Variants in SNRNP200 observed in about 807,000 individuals in gnomAD.
SNRNP200 encodes the protein U5 small nuclear ribonucleoprotein 200 kDa helicase.
SNRNP200 carries 66 observed loss-of-function variants against 255.2 expected under a neutral mutation model. That is an observed-to-expected ratio of 0.26 (90% CI 0.21 to 0.32). The LOEUF (loss-of-function observed/expected upper bound fraction) is 0.32. Among genes scored for constraint, SNRNP200 ranks in the 10% least tolerant of loss-of-function variants. The pLI, the probability that SNRNP200 is intolerant of heterozygous loss-of-function variation, is 1.00. For synonymous variants in SNRNP200, 939 were observed against 1,027.8 expected (o/e 0.91, Z 1.65); for missense variants, 1,585 against 2,749.8 (o/e 0.58, Z 9.47).
chr2:96,276,408 C>A, intron 43 of SNRNP200: 1 of 203,306 alleles, frequency 4.9e-6, no homozygotes. Flanking sequence ...TTAACAATGA[C>A]CAGTCATCTA....
Position 96,304,059 on chromosome 2 carries a change from A to G in SNRNP200, c.209+646T>C, listed in dbSNP as rs1351625661. ...TATCAACAAAGTATAACAAAACTGGAAAAGAAGATATAGCACAAAGTGGAG... is the reference window on the plus strand; with the variant it reads ...TATCAACAAAGTATAACAAAACTGGGAAAGAAGATATAGCACAAAGTGGAG... On this transcript the variant is annotated intron_variant, in intron 2 of 44. Coordinates refer to ENST00000323853, the MANE Select transcript of SNRNP200 (RefSeq NM_014014.5). Among the ~76,000 whole-genome samples, 3 of 152,186 alleles carry G rather than the reference A, an allele frequency of 2.0e-5. No homozygotes were observed. The East Asian group carries it at 5.8e-4, about 29-fold the overall frequency.
chr2:96,279,100 A>T, intron 36 of SNRNP200, 102 bp from the exon 37 acceptor site: 1 of 906,402 alleles, frequency 1.1e-6, no homozygotes, highest in Non-Finnish European at 1.8e-6. Context: ...TGTGAGACCT[A>T]ACTAATACCA....
intron 43 of SNRNP200, chr2:96,276,662 C>T (rs533354235): frequency 9.3e-5 from 50 of 537,766 alleles, no homozygotes; most frequent in Non-Finnish European, 1.6e-4. Flanking sequence ...CCTCGTGATC[C>T]GCCCGCCTTG....
In SNRNP200 at chr2:96,286,431, A is replaced by G; in HGVS notation, c.3883T>C (p.Tyr1295His). 6.2e-7 allele frequency: 1 copy of G among 1,614,198 alleles called. No homozygotes were observed. The highest frequency in any genetic ancestry group is 8.5e-7 in the Non-Finnish European group (1 of 1,180,028). ...TCCAAAAGTTCGGTTGGAGGGGGGT[A>G]CTTCTCCGGCAAGATCAGGTGCCGG... is the stretch of plus-strand genomic sequence containing the variant. ...SFRHLILPEK[Y>H]PPPTELLDLQ... is the part of the protein sequence containing the mutation. Residue 1295 changes from tyrosine to histidine, a missense_variant, in exon 29 of 45, where the codon TAC (tyrosine) becomes CAC (histidine). Transcript: ENST00000323853. This position sits in a 1 kb window ranked among gnomAD's most constrained non-coding sequence, Gnocchi z 4.8.
At chr2:96,275,490 C>T (rs1238550611) in intron 43 of SNRNP200, 141 bp from the exon 44 acceptor site, 4 of 752,126 alleles carry the variant, frequency 5.3e-6, no homozygotes, top group African/African-American at 1.7e-5. Context: ...TTAGATTTAA[C>T]ATTTTAATAC....
Position 96,287,023 on chromosome 2 carries a change from A to C in SNRNP200, c.3622T>G (p.Phe1208Val). 4 of 1,614,194 alleles carry C rather than the reference A, an allele frequency of 2.5e-6. No individual in the cohort carries two copies. The highest frequency in any genetic ancestry group is 2.5e-6 in the Non-Finnish European group (3 of 1,180,024). ...LKVELTITPD[F>V]QWDEKVHGSS... ...AGCCTCACCTTTTCATCCCACTGGA[A>C]GTCTGGCGTGATGGTCAGCTCCACC... Residue 1208 changes from phenylalanine (F) to valine (V), a missense_variant, in exon 27 of 45, where the codon TTC becomes GTC. Coordinates refer to ENST00000323853, the MANE Select transcript of SNRNP200 (RefSeq NM_014014.5). The surrounding 1 kb of genome is among the most constrained non-coding windows in gnomAD (Gnocchi z 5.7).
At chr2:96,304,951 A>G (rs2063977956) in intron 1 of SNRNP200, 83 bp from the exon 2 acceptor site, 1 of 1,489,458 alleles carries the variant, frequency 6.7e-7, no homozygotes, top group Non-Finnish European at 9.2e-7. Flanking sequence ...TGATGGAAAA[A>G]ATCGTAGTAA....
chr2:96,278,754 C>T lies in SNRNP200; in HGVS notation c.5324-43G>A, dbSNP rs1216238442. The T allele has an allele frequency of 8.1e-6, 13 of 1,614,070 alleles. No homozygotes were observed. The Admixed American group carries it at 1.8e-4, about 23-fold the overall frequency. ...GAGTGGGGAGCCTCAAGAAGATGCCCAGCAAAGACTGTGAGAACCACCAAA... is the reference window on the plus strand; with the variant it reads ...GAGTGGGGAGCCTCAAGAAGATGCCTAGCAAAGACTGTGAGAACCACCAAA... On this transcript the variant is annotated intron_variant, in intron 37 of 44. Coordinates refer to ENST00000323853, the MANE Select transcript of SNRNP200 (RefSeq NM_014014.5). This position sits in a 1 kb window ranked among gnomAD's most constrained non-coding sequence, Gnocchi z 6.9.
Position 96,289,842 on chromosome 2 carries a change from T to C in SNRNP200, c.2897A>G (p.Lys966Arg). The C allele has an allele frequency of 6.2e-7, 1 of 1,614,220 alleles. No individual in the cohort carries two copies. Among genetic ancestry groups the C allele is most frequent in the Non-Finnish European group, 8.5e-7 (1 of 1,180,044 alleles). ...CTTGTCGTACTTGACCAGATTGTTCTTGTCCAGCATCAGGGCAGCTGTATG... is the reference window on the plus strand; with the variant it reads ...CTTGTCGTACTTGACCAGATTGTTCCTGTCCAGCATCAGGGCAGCTGTATG... The part of the protein sequence containing the change: ...LVHTAALMLD[K>R]NNLVKYDKKT... The change falls in exon 21 of 45, where the codon AAG (lysine) becomes AGG (arginine). Residue 966 changes from lysine to arginine, a missense_variant. By Grantham distance (26) the Lys-to-Arg change is conservative (BLOSUM62 2). Transcript: ENST00000323853.
chr2:96,299,217 T>C, intron 6 of SNRNP200, 112 bp downstream of exon 6: 3 of 1,061,038 alleles, frequency 2.8e-6, no homozygotes, highest in Non-Finnish European at 4.4e-6. Flanking sequence ...TTTATTATAG[T>C]TCACTCCAGC....
chr2:96,296,691 C>T lies in SNRNP200; in HGVS notation c.1516G>A (p.Gly506Ser), dbSNP rs1487962974. ...DENLLLCAPT[G>S]AGKTNVALMC... ...AGGGCCACGTTGGTCTTCCCAGCACCCTACGGGAGAGGTCAGGGATGAGAA... is the reference window on the plus strand; with the variant it reads ...AGGGCCACGTTGGTCTTCCCAGCACTCTACGGGAGAGGTCAGGGATGAGAA... The change falls in exon 13 of 45, where the codon GGT (glycine) becomes AGT (serine). Residue 506 changes from glycine to serine, a missense_variant and splice_region_variant. Gly to Ser is a moderately conservative substitution (Grantham distance 56). Coordinates refer to ENST00000323853, the MANE Select transcript of SNRNP200 (RefSeq NM_014014.5). 2.5e-6 allele frequency: 4 copies of T among 1,614,158 alleles called. No homozygotes were observed. Among genetic ancestry groups the T allele is most frequent in the South Asian group, 1.1e-5 (1 of 91,072 alleles).
chr2:96,281,743 T>C (rs1684762908), intron 35 of SNRNP200, 71 bp downstream of exon 35: 1 of 1,201,050 alleles, frequency 8.3e-7, no homozygotes, highest in South Asian at 1.2e-5. Flanking sequence ...GCTTACTTTC[T>C]GTGTATCTGC....
In SNRNP200 at chr2:96,274,465, C is replaced by T. The variant is rs1361421608; in HGVS notation, c.*547G>A. 5.9e-6 allele frequency: 1 copy of T among 168,682 alleles called. No homozygotes were observed. Among genetic ancestry groups the T allele is most frequent in the Non-Finnish European group, 1.3e-5 (1 of 77,288 alleles). 10.4% of individuals were successfully genotyped at this position (168,682 alleles called of 1,614,324 possible). On this transcript the variant is annotated 3_prime_UTR_variant, in exon 45 of 45. Coordinates refer to ENST00000323853, the MANE Select transcript of SNRNP200 (RefSeq NM_014014.5). Reference sequence around the variant, plus strand: ...AACCCCCATCTAGAGAAACCCCTAACCTGTGATCTAGCTTCCGAGGCTCAG... The same window carrying T: ...AACCCCCATCTAGAGAAACCCCTAATCTGTGATCTAGCTTCCGAGGCTCAG...
chr2:96,285,823 G>A (rs773821851), intron 29 of SNRNP200, among the ~76,000 whole-genome samples: 1 of 152,226 alleles, frequency 6.6e-6, no homozygotes, highest in African/African-American at 2.4e-5. Context: ...AACCCTCTAT[G>A]CCTCAGTTCC....
intron 13 of SNRNP200, 41 bp downstream of exon 13, chr2:96,296,495 G>A (rs763430320): frequency 5.0e-6 from 8 of 1,607,920 alleles, no homozygotes; most frequent in Non-Finnish European, 5.1e-6. Context: ...ACTTTCATAG[G>A]TGCACCCAGT....
At chr2:96,279,381 A>G in intron 36 of SNRNP200, 70 bp downstream of exon 36, 1 of 989,560 alleles carries the variant, frequency 1.0e-6, no homozygotes, top group Non-Finnish European at 1.6e-6. Context: ...GAAGACATCT[A>G]TCAAAAGAAA....
Position 96,277,989 on chromosome 2 carries a change from G to A in SNRNP200, c.5611-39C>T, listed in dbSNP as rs574677218. 24 of 1,613,986 alleles carry A rather than the reference G, an allele frequency of 1.5e-5. No homozygotes were observed. The South Asian group carries it at 2.6e-4, about 18-fold the overall frequency. ...GAAAAATAGCTGGTGATGAACAGGTGACCCTGCCTGAGACCAGCTCAGGCC... is the reference window on the plus strand; with the variant it reads ...GAAAAATAGCTGGTGATGAACAGGTAACCCTGCCTGAGACCAGCTCAGGCC... On this transcript the variant is annotated intron_variant, in intron 39 of 44. Transcript: ENST00000323853. This position sits in a 1 kb window ranked among gnomAD's most constrained non-coding sequence, Gnocchi z 4.4.
Position 96,283,550 on chromosome 2 carries a change from T to A in SNRNP200, c.4748A>T (p.Asp1583Val), listed in dbSNP as rs761290555. ...CCCCACCTACCTCTGCCGTTGGATG[T>A]CTGCTGCACAGGTGGTGAGGATGTC... ...AIDILTTCAA[D>V]IQRQRFLHCT... Residue 1583 changes from aspartate (D) to valine (V), a missense_variant, in exon 33 of 45, where the codon GAC (aspartate) becomes GTC (valine). By Grantham distance (152) the Asp-to-Val change is radical (BLOSUM62 -3). This residue lies in a region of SNRNP200 where 719 missense variants were observed against 1,091.1 expected (regional missense o/e 0.66). Coordinates refer to ENST00000323853, the MANE Select transcript of SNRNP200 (RefSeq NM_014014.5). This position sits in a 1 kb window ranked among gnomAD's most constrained non-coding sequence, Gnocchi z 4.7. 6 of 1,613,956 alleles carry A rather than the reference T, an allele frequency of 3.7e-6. No individual in the cohort carries two copies. In the Admixed American group the frequency reaches 1.0e-4, roughly 27 times the overall value.
At position 96,293,379 on chromosome 2, in the gene SNRNP200, T is replaced by C. The variant is rs760478872; in HGVS notation, c.1973A>G (p.Tyr658Cys). 4.3e-6 allele frequency: 7 copies of C among 1,614,134 alleles called. No individual in the cohort carries two copies. The highest frequency in any genetic ancestry group is 1.7e-4 in the Middle Eastern group (1 of 6,014). The change falls in exon 15 of 45, where the codon TAT (tyrosine) becomes TGT (cysteine). Residue 658 changes from tyrosine to cysteine, a missense_variant. Transcript: ENST00000323853. ...ACGTAGAAAGGTGGCTACATCTTCA[T>C]AGTTGGGTAGGGTGGCACTGAGACC... is the stretch of plus-strand genomic sequence containing the variant. ...LIGLSATLPN[Y>C]EDVATFLRVD...
Sources: allele counts gnomAD v4.1 joint callset (sites outside exome capture counted in the v4.1 genomes callset), GRCh38; gene constraint gnomAD v4.1.1; regional missense constraint gnomAD v4.1.1; non-coding constraint Gnocchi (gnomAD v3.1); transcripts MANE v1.5; gene names NCBI Gene and HGNC (gene_info 2026-07-23, HGNC 2026-07-21).